Variants in MFSD2A observed in about 807,000 individuals in gnomAD.
MFSD2A encodes the protein sodium-dependent lysophosphatidylcholine symporter 1.
MFSD2A carries 27 observed loss-of-function variants against 64.7 expected under a neutral mutation model. The observed-to-expected ratio is 0.42, with a 90% CI of 0.31 to 0.58. The LOEUF (loss-of-function observed/expected upper bound fraction) is 0.58, where lower values mean the gene tolerates loss of function less well. Among genes scored for constraint, MFSD2A ranks in the 20% least tolerant of loss-of-function variants. MFSD2A has a pLI of 0.18. For missense variants in MFSD2A, 474 were observed against 679.5 expected (o/e 0.70, Z 3.36); for synonymous variants, 258 against 273.4 (o/e 0.94, Z 0.55).
Position 39,960,716 on chromosome 1 carries a change from A to AT in MFSD2A, c.353+1892dup, listed in dbSNP as rs1007340243. Among the ~76,000 whole-genome samples the AT allele has an allele frequency of 6.6e-6, 1 of 152,234 alleles. No homozygotes were observed. The highest frequency in any genetic ancestry group is 2.4e-5 in the African/African-American group (1 of 41,468). ...AGGATGGAGTGTTTGACAAAGGCTGATGAGGAGCTCTTGTTCCCTGAGGAG... is the reference window on the plus strand; with the variant it reads ...AGGATGGAGTGTTTGACAAAGGCTGATTGAGGAGCTCTTGTTCCCTGAGGAG... On this transcript the variant is annotated intron_variant, in intron 3 of 13. Coordinates refer to ENST00000372811, the MANE Select transcript of MFSD2A (RefSeq NM_032793.5). This position sits in a 1 kb window ranked among gnomAD's most constrained non-coding sequence, Gnocchi z 4.8.
rs2124751965 is a variant in MFSD2A at position 39,955,531 on chromosome 1, G to A, written c.93+146G>A. On this transcript the variant is annotated intron_variant, in intron 1 of 13. Transcript: ENST00000372811. This position sits in a 1 kb window ranked among gnomAD's most constrained non-coding sequence, Gnocchi z 5.9. ...TACGAGCCAGAGAGGACCTGGGGGT[G>A]CCCTGGGACAGGGGGTGACGGAGAA... The A allele has an allele frequency of 2.2e-6, 2 of 888,956 alleles. No individual in the cohort carries two copies. The highest frequency in any genetic ancestry group is 2.7e-5 in the East Asian group (1 of 37,490). 55.1% of individuals were successfully genotyped at this position (888,956 alleles called of 1,614,324 possible). A position where few individuals can be genotyped will look rare whatever the true frequency, so the allele number is the denominator to read the frequency against.
intron 3 of MFSD2A, among the ~76,000 whole-genome samples, chr1:39,959,499 C>T (rs182498617): frequency 3.6e-4 from 55 of 152,170 alleles, no homozygotes; most frequent in African/African-American, 1.1e-3. Context: ...GGTGTCCTCC[C>T]GCCTCAGCCT....
Position 39,965,614 on chromosome 1 carries a change from C to G in MFSD2A, c.556+65C>G. 1.3e-6 allele frequency: 2 copies of G among 1,517,926 alleles called. No homozygotes were observed. 94.0% of individuals were successfully genotyped at this position (1,517,926 alleles called of 1,614,324 possible). A position where few individuals can be genotyped will look rare whatever the true frequency, so the allele number is the denominator to read the frequency against. On this transcript the variant is annotated intron_variant, in intron 5 of 13. Transcript: ENST00000372811. The surrounding 1 kb of genome is among the most constrained non-coding windows in gnomAD (Gnocchi z 5.5). Reference sequence around the variant, plus strand: ...CCCTCCAGCCATACTTCTTCCCTTGCGGGTCCAGCTCTTTGCTCTGCTCTA... The same window carrying G: ...CCCTCCAGCCATACTTCTTCCCTTGGGGGTCCAGCTCTTTGCTCTGCTCTA...
chr1:39,967,329 G>T (rs991560600), intron 9 of MFSD2A, among the ~76,000 whole-genome samples, 160 bp downstream of exon 9: 1 of 152,192 alleles, frequency 6.6e-6, no homozygotes, highest in Non-Finnish European at 1.5e-5. Flanking sequence ...GCGAAGGTAG[G>T]ACTGTGAAAG....
rs1373615111 is a variant in MFSD2A, at chr1:39,968,756, A to G, written c.1529+11A>G. 7.4e-6 allele frequency: 12 copies of G among 1,613,536 alleles called. No individual in the cohort carries two copies. The highest frequency in any genetic ancestry group is 1.0e-5 in the Non-Finnish European group (12 of 1,179,900). On this transcript the variant is annotated intron_variant, in intron 13 of 13. Transcript: ENST00000372811. The surrounding 1 kb of genome is among the most constrained non-coding windows in gnomAD (Gnocchi z 4.4). ...CCTGCAGGCACTGAGGTGAGTGGGG[A>G]GGGGACAGGATGCTGGAGGAGGGGA...
chr1:39,962,608 A>G, intron 3 of MFSD2A: 1 of 786,238 alleles, frequency 1.3e-6, no homozygotes, highest in Non-Finnish European at 2.1e-6. Context: ...GGGATGGGGA[A>G]CTCTGGTGCC....
chr1:39,966,040 T>C (rs776298551), intron 6 of MFSD2A, 26 bp downstream of exon 6: 65 of 1,612,820 alleles, frequency 4.0e-5, no homozygotes, highest in Non-Finnish European at 5.3e-5. Flanking sequence ...GGGCAGGGAT[T>C]TGGGGAGATA....
chr1:39,964,714 T>G lies in MFSD2A; in HGVS notation c.354-497T>G, dbSNP rs868250829. The G allele has an allele frequency of 6.4e-6, 1 of 156,552 alleles. No homozygotes were observed. Among genetic ancestry groups the G allele is most frequent in the African/African-American group, 2.5e-5 (1 of 40,154 alleles). The allele number at this position is 156,552 out of a possible 1,614,324, so 9.7% of individuals were successfully genotyped here. ...TGAATGGGGGTGTGTGTGAATGGGGTGTGTGTGTGTGAATGATGTGTGTGT... is the reference window on the plus strand; with the variant it reads ...TGAATGGGGGTGTGTGTGAATGGGGGGTGTGTGTGTGAATGATGTGTGTGT... On this transcript the variant is annotated intron_variant, in intron 3 of 13. Transcript: ENST00000372811. The surrounding 1 kb of genome is among the most constrained non-coding windows in gnomAD (Gnocchi z 4.1).
At chr1:39,959,378 G>A (rs2124760103) in intron 3 of MFSD2A, among the ~76,000 whole-genome samples, 1 of 151,890 alleles carries the variant, frequency 6.6e-6, no homozygotes, top group Admixed American at 6.6e-5. Flanking sequence ...CTCTCGAGTA[G>A]CTGCGACTAC....
intron 9 of MFSD2A, 47 bp downstream of exon 9, chr1:39,967,216 T>C (rs1026808940): frequency 3.3e-6 from 5 of 1,529,858 alleles, no homozygotes; most frequent in Non-Finnish European, 4.5e-6. Context: ...TGAGGTGACA[T>C]AGGCTGTGGA....
Position 39,967,794 on chromosome 1 carries a change from C to G in MFSD2A, c.1096-10C>G, listed in dbSNP as rs750909335. On this transcript the variant is annotated splice_polypyrimidine_tract_variant and intron_variant, in intron 10 of 13. Coordinates refer to ENST00000372811, the MANE Select transcript of MFSD2A (RefSeq NM_032793.5). The stretch of plus-strand genomic sequence containing the variant: ...CCAGCTGATTCATCTTCCTGCACCC[C>G]CTTCCCTAGTCAGCAGTGCCATTTC... The G allele has an allele frequency of 6.8e-6, 11 of 1,611,956 alleles. No individual in the cohort carries two copies. The highest frequency in any genetic ancestry group is 6.7e-5 in the Admixed American group (4 of 59,988).
chr1:39,964,304 T>C lies in MFSD2A; in HGVS notation c.354-907T>C, dbSNP rs1487327427. 6.6e-6 allele frequency: 1 copy of C among 152,256 alleles called. No individual in the cohort carries two copies. Among genetic ancestry groups the C allele is most frequent in the Non-Finnish European group, 1.5e-5 (1 of 68,042 alleles). The allele number at this position is 152,256 out of a possible 1,614,324, so 9.4% of individuals were successfully genotyped here. ...AATGATTTTTTATCTGTTCTCTAGT[T>C]ATCCTAAGTAATTAGAATAGCGCCC... On this transcript the variant is annotated intron_variant, in intron 3 of 13. Transcript: ENST00000372811. The surrounding 1 kb of genome is among the most constrained non-coding windows in gnomAD (Gnocchi z 4.1).
Position 39,958,689 on chromosome 1 carries a change from T to C in MFSD2A, c.229-12T>C. The C allele has an allele frequency of 6.2e-7, 1 of 1,614,160 alleles. No individual in the cohort carries two copies. Among genetic ancestry groups the C allele is most frequent in the Non-Finnish European group, 8.5e-7 (1 of 1,180,028 alleles). On this transcript the variant is annotated splice_polypyrimidine_tract_variant and intron_variant, in intron 2 of 13. Coordinates refer to ENST00000372811, the MANE Select transcript of MFSD2A (RefSeq NM_032793.5). The surrounding 1 kb of genome is among the most constrained non-coding windows in gnomAD (Gnocchi z 4.7). ...GGATGAGGAAGTTGTCTTTTGCTTC[T>C]CCTCATTCCAGGTGGGCCCTTTCTC... is the stretch of plus-strand genomic sequence containing the variant.
chr1:39,968,270 C>G lies in MFSD2A; in HGVS notation c.1209-64C>G. 1 of 1,607,392 alleles carries G rather than the reference C, an allele frequency of 6.2e-7. No individual in the cohort carries two copies. On this transcript the variant is annotated intron_variant, in intron 11 of 13. Transcript: ENST00000372811. This position sits in a 1 kb window ranked among gnomAD's most constrained non-coding sequence, Gnocchi z 4.4. Reference sequence around the variant, plus strand: ...ACTGCAAGCTTCCAGAGGGCCACCTCTTCTCATTAACACAGAGGCCCGTTA... The same window carrying G: ...ACTGCAAGCTTCCAGAGGGCCACCTGTTCTCATTAACACAGAGGCCCGTTA...
Position 39,958,950 on chromosome 1 carries a change from G to T in MFSD2A, c.353+125G>T. ...GAGAAGGAAGGAGTTAAAAGCCCAA[G>T]GGTGTTGAAACCCCATCCGAGGCAT... On this transcript the variant is annotated intron_variant, in intron 3 of 13. Coordinates refer to ENST00000372811, the MANE Select transcript of MFSD2A (RefSeq NM_032793.5). The surrounding 1 kb of genome is among the most constrained non-coding windows in gnomAD (Gnocchi z 4.7). The T allele has an allele frequency of 8.2e-7, 1 of 1,214,328 alleles. No homozygotes were observed. The highest frequency in any genetic ancestry group is 2.4e-5 in the East Asian group (1 of 41,546). The allele number at this position is 1,214,328 out of a possible 1,614,324, so 75.2% of individuals were successfully genotyped here. A position where few individuals can be genotyped will look rare whatever the true frequency, so the allele number is the denominator to read the frequency against.
chr1:39,966,619 G>A lies in MFSD2A; in HGVS notation c.733G>A (p.Ala245Thr), dbSNP rs1467550919. 1 of 1,613,314 alleles carries A rather than the reference G, an allele frequency of 6.2e-7. No homozygotes were observed. Among genetic ancestry groups the A allele is most frequent in the African/African-American group, 1.3e-5 (1 of 74,906 alleles). The change falls in exon 7 of 14, where the codon GCA becomes ACA. Residue 245 changes from alanine to threonine, a missense_variant. Transcript: ENST00000372811. ...HRETQKAYLL[A>T]AGVIVCIYII... is the part of the protein sequence containing the mutation. ...CTTATAGCAAAAGGCATACCTGCTG[G>A]CAGCGGGGGTCATTGTCTGTATCTA...
chr1:39,963,337 C>G lies in MFSD2A; in HGVS notation c.354-1874C>G. On this transcript the variant is annotated intron_variant, in intron 3 of 13. Coordinates refer to ENST00000372811, the MANE Select transcript of MFSD2A (RefSeq NM_032793.5). This position sits in a 1 kb window ranked among gnomAD's most constrained non-coding sequence, Gnocchi z 4.2. ...TGGAAGGAGACTGTATTCACCAAGT[C>G]TCCCGATCAGGAATTCACTGACCAC... 9.2e-7 allele frequency: 1 copy of G among 1,081,300 alleles called. No homozygotes were observed. Among genetic ancestry groups the G allele is most frequent in the Non-Finnish European group, 1.4e-6 (1 of 734,490 alleles). 67.0% of individuals were successfully genotyped at this position (1,081,300 alleles called of 1,614,324 possible). A position where few individuals can be genotyped will look rare whatever the true frequency, so the allele number is the denominator to read the frequency against.
chr1:39,968,089 A>G lies in MFSD2A; in HGVS notation c.1208+173A>G. ...TGTACAGGTAGTGAGCTTTGCAAGA[A>G]CACCTAGTCAGAGTGAAAAATGGGG... On this transcript the variant is annotated intron_variant, in intron 11 of 13. Coordinates refer to ENST00000372811, the MANE Select transcript of MFSD2A (RefSeq NM_032793.5). This position sits in a 1 kb window ranked among gnomAD's most constrained non-coding sequence, Gnocchi z 4.4. 1 of 642,014 alleles carries G rather than the reference A, an allele frequency of 1.6e-6. No individual in the cohort carries two copies. The highest frequency in any genetic ancestry group is 2.7e-6 in the Non-Finnish European group (1 of 374,280). The allele number at this position is 642,014 out of a possible 1,614,324, so 39.8% of individuals were successfully genotyped here.
Position 39,968,695 on chromosome 1 carries a change from C to T in MFSD2A, c.1479C>T (p.Pro493=). The change falls in exon 13 of 14, where the codon CCC becomes CCT. Residue 493 remains proline (P), a synonymous_variant. Coordinates refer to ENST00000372811, the MANE Select transcript of MFSD2A (RefSeq NM_032793.5). The surrounding 1 kb of genome is among the most constrained non-coding windows in gnomAD (Gnocchi z 4.4). ...LLGLLLFKMY[P]IDEERRRQNK... ...GCCTGCTGCTCTTCAAAATGTACCC[C>T]ATTGATGAGGAGAGGCGGCGGCAGA... 2 of 1,614,174 alleles carry T rather than the reference C, an allele frequency of 1.2e-6. No individual in the cohort carries two copies. Among genetic ancestry groups the T allele is most frequent in the Non-Finnish European group, 1.7e-6 (2 of 1,180,034 alleles).
Sources: allele counts gnomAD v4.1 joint callset (sites outside exome capture counted in the v4.1 genomes callset), GRCh38; gene constraint gnomAD v4.1.1; non-coding constraint Gnocchi (gnomAD v3.1); transcripts MANE v1.5; gene names NCBI Gene and HGNC (gene_info 2026-07-23, HGNC 2026-07-21).